PTK2: variants seen among roughly 807,000 people sequenced by gnomAD.
PTK2 encodes protein tyrosine kinase 2, also known as focal adhesion kinase 1.
In PTK2, 45 loss-of-function variants were observed where a neutral mutation model predicts 150.1. The observed-to-expected ratio is 0.30, with a 90% CI of 0.24 to 0.38. The LOEUF is 0.38. PTK2 is among the 10% of genes least tolerant of loss of function. The pLI is 1.00. For missense variants in PTK2, 919 were observed against 1,307.3 expected (o/e 0.70, Z 4.58); for synonymous variants, 432 against 449.2 (o/e 0.96, Z 0.48).
At chr8:140,850,056 T>C (rs1005559031) in intron 5 of PTK2, among the ~76,000 whole-genome samples, 2 of 152,272 alleles carry the variant, frequency 1.3e-5, no homozygotes, top group African/African-American at 4.8e-5. Context: ...TCTTTTTCTA[T>C]TGTGGATTAT....
At chr8:140,858,473 G>A (rs1353622539) in intron 5 of PTK2, among the ~76,000 whole-genome samples, 1 of 151,152 alleles carries the variant, frequency 6.6e-6, no homozygotes, top group East Asian at 1.9e-4. Flanking sequence ...TCCACGACTC[G>A]TTTGTAATGA....
chr8:140,986,220 G>A (rs913928947), intron 1 of PTK2, among the ~76,000 whole-genome samples: 5 of 152,090 alleles, frequency 3.3e-5, no homozygotes, highest in Admixed American at 3.3e-4. Flanking sequence ...TTTCAACTTC[G>A]CTTAACTGTA....
intron 26 of PTK2, among the ~76,000 whole-genome samples, chr8:140,693,629 CT>C (rs1224609227): frequency 1.5e-4 from 20 of 134,010 alleles, no homozygotes; most frequent in African/African-American, 4.6e-4. Context: ...TACAGAGTAT[CT>C]GCTGTGGGGC....
chr8:140,818,757 T>C, intron 9 of PTK2, 123 bp downstream of exon 9: 2 of 1,113,514 alleles, frequency 1.8e-6, no homozygotes, highest in Non-Finnish European at 2.6e-6. Flanking sequence ...AATGAAAAAA[T>C]ATCATTTTAT....
intron 1 of PTK2, among the ~76,000 whole-genome samples, chr8:140,975,956 G>A (rs999013766): frequency 6.6e-6 from 1 of 150,790 alleles, no homozygotes; most frequent in African/African-American, 2.4e-5. Flanking sequence ...ACATTAAATG[G>A]AAAGGACCTG....
At chr8:140,962,893 T>C (rs2100183870) in intron 1 of PTK2, among the ~76,000 whole-genome samples, 1 of 150,484 alleles carries the variant, frequency 6.6e-6, no homozygotes, top group Non-Finnish European at 1.5e-5. Flanking sequence ...CAACCCAACC[T>C]ACCTAGGCTT....
In PTK2 at chr8:140,665,226, A is replaced by T. The variant is rs115243669; in HGVS notation, c.2866-229T>A. On this transcript the variant is annotated intron_variant, in intron 30 of 31. Coordinates refer to ENST00000522684, the Ensembl canonical transcript of PTK2. ...CCCTAAGGAGTGAGTTGAAGACCAG[A>T]AGTTCATGTAAGAAAAGTCACACAG... 4.0e-3 allele frequency among the ~76,000 whole-genome samples: 612 copies of T among 152,206 alleles called. 3 individuals carry two copies. Among genetic ancestry groups the T allele is most frequent in the African/African-American group, 0.014 (596 of 41,518 alleles).
intron 14 of PTK2, among the ~76,000 whole-genome samples, chr8:140,773,835 T>C (rs2100076916): frequency 6.6e-6 from 1 of 152,128 alleles, no homozygotes; most frequent in Admixed American, 6.5e-5. Flanking sequence ...GTGAAGATAA[T>C]GGGTAAGGCC....
At chr8:140,682,393 A>G (rs774837296) in intron 27 of PTK2, among the ~76,000 whole-genome samples, 14 of 152,138 alleles carry the variant, frequency 9.2e-5, no homozygotes, top group Non-Finnish European at 1.3e-4. Flanking sequence ...AAACAACAAC[A>G]ACAAAAAATT....
chr8:140,836,653 C>T lies in PTK2; in HGVS notation c.594-6127G>A, dbSNP rs142179358. On this transcript the variant is annotated intron_variant, in intron 7 of 31. Coordinates refer to ENST00000522684, the Ensembl canonical transcript of PTK2. ...ACAAGAAAAATGAAAACAAGTACAG[C>T]GATAACTAAGCTCAGCTAATTTTAA... Among the ~76,000 whole-genome samples, 685 of 152,200 alleles carry T rather than the reference C, an allele frequency of 4.5e-3. 4 individuals carry two copies. The highest frequency in any genetic ancestry group is 0.016 in the African/African-American group (647 of 41,528).
At chr8:140,983,313 G>A (rs1318344932) in intron 1 of PTK2, among the ~76,000 whole-genome samples, 1 of 148,456 alleles carries the variant, frequency 6.7e-6, no homozygotes, top group African/African-American at 2.5e-5. Context: ...CTTGAACCCA[G>A]GAGGTGAAGG....
chr8:140,918,064 A>G (rs1017337683), intron 2 of PTK2, among the ~76,000 whole-genome samples: 1 of 152,228 alleles, frequency 6.6e-6, no homozygotes, highest in Non-Finnish European at 1.5e-5. Context: ...CAAAAGATGA[A>G]GACACCTGCT....
intron 7 of PTK2, among the ~76,000 whole-genome samples, chr8:140,832,118 A>C (rs1297099816): frequency 6.6e-6 from 1 of 152,130 alleles, no homozygotes; most frequent in African/African-American, 2.4e-5. Context: ...GCAGTAGCCA[A>C]TCTCAGCTCA....
intron 3 of PTK2, among the ~76,000 whole-genome samples, chr8:140,885,722 C>T (rs1176601306): frequency 6.6e-6 from 1 of 151,972 alleles, no homozygotes; most frequent in African/African-American, 2.4e-5. Context: ...GGGATTTAAG[C>T]AAATCACTGA....
chr8:140,965,996 C>T (rs1027384642), intron 1 of PTK2, among the ~76,000 whole-genome samples: 1 of 152,198 alleles, frequency 6.6e-6, no homozygotes, highest in African/African-American at 2.4e-5. Context: ...GTCAGAAAAG[C>T]TCCAGTTGGT....
At chr8:140,771,779 ATTTTTTT>A (rs34027936) in intron 14 of PTK2, among the ~76,000 whole-genome samples, 1 of 135,046 alleles carries the variant, frequency 7.4e-6, no homozygotes, top group African/African-American at 2.7e-5. Flanking sequence ...TCCTATTAAC[ATTTTTTT>A]TTTTTTTTTT....
At chr8:140,927,958 G>GAAAAAAAAAAAAAAAAAA (rs57931737) in intron 1 of PTK2, among the ~76,000 whole-genome samples, 3 of 63,638 alleles carry the variant, frequency 4.7e-5, no homozygotes, top group African/African-American at 1.3e-4. Flanking sequence ...AAAAAAAAAA[G>GAAAAAAAAAAAAAAAAAA]AAAAAAAAAA....
At chr8:140,669,420 T>A (rs2094443374) in intron 29 of PTK2, 1 of 295,052 alleles carries the variant, frequency 3.4e-6, no homozygotes, top group African/African-American at 2.2e-5. Flanking sequence ...TAAATATAAG[T>A]TCCCATTTCT....
At chr8:140,868,171 G>C (rs913309954) in intron 4 of PTK2, among the ~76,000 whole-genome samples, 2 of 152,148 alleles carry the variant, frequency 1.3e-5, no homozygotes, top group Admixed American at 1.3e-4. Flanking sequence ...AGGAGGGAGA[G>C]GGTATGTTTT....
Sources: gnomAD v4.1 joint callset for allele counts (sites outside exome capture counted in the v4.1 genomes callset) on GRCh38, gnomAD v4.1.1 for gene constraint, MANE v1.5 for transcripts, NCBI Gene and HGNC (gene_info 2026-07-23, HGNC 2026-07-21) for gene names.